Variants in RIMS2 observed in about 807,000 individuals in gnomAD.
RIMS2 encodes the protein regulating synaptic membrane exocytosis 2.
In RIMS2, 59 loss-of-function variants were observed where a neutral mutation model predicts 174.4. The observed-to-expected ratio is 0.34, with a 90% CI of 0.27 to 0.42. The LOEUF (loss-of-function observed/expected upper bound fraction) is 0.42, where lower values mean the gene tolerates loss of function less well. Among genes scored for constraint, RIMS2 ranks in the 10% least tolerant of loss-of-function variants. The pLI is 1.00. For synonymous variants in RIMS2, 606 were observed against 572.5 expected (o/e 1.06, Z -0.84); for missense variants, 1,620 against 1,666.3 (o/e 0.97, Z 0.48).
At chr8:103,662,731 A>T (rs186434286) in intron 1 of RIMS2, among the ~76,000 whole-genome samples, 1 of 152,050 alleles carries the variant, frequency 6.6e-6, no homozygotes, top group Admixed American at 6.6e-5. Flanking sequence ...TAGTCTTATA[A>T]ATATAGTCAT....
At chr8:104,189,607 A>AAT (rs543361079) in intron 19 of RIMS2, among the ~76,000 whole-genome samples, 114 of 147,464 alleles carry the variant, frequency 7.7e-4, no homozygotes, top group African/African-American at 2.6e-3. Flanking sequence ...TATTTATGTA[A>AAT]ATATATATAT....
intron 19 of RIMS2, among the ~76,000 whole-genome samples, chr8:104,229,549 G>A (rs1171655057): frequency 1.3e-5 from 2 of 152,112 alleles, no homozygotes; most frequent in Non-Finnish European, 2.9e-5. Flanking sequence ...ACCTAAACTG[G>A]GAGCCAGAAG....
chr8:103,793,217 T>C (rs1234477617), intron 3 of RIMS2, among the ~76,000 whole-genome samples: 2 of 152,050 alleles, frequency 1.3e-5, no homozygotes, highest in Non-Finnish European at 2.9e-5. Flanking sequence ...GCAGCACATC[T>C]AAAAGCTTAT....
intron 19 of RIMS2, among the ~76,000 whole-genome samples, chr8:104,101,265 T>A (rs1280969432): frequency 2.6e-5 from 4 of 151,616 alleles, no homozygotes; most frequent in African/African-American, 4.8e-5. Flanking sequence ...TAGCTGAGAT[T>A]ACAGGCATGT....
At chr8:104,118,230 A>G (rs184768807) in intron 19 of RIMS2, among the ~76,000 whole-genome samples, 33 of 152,258 alleles carry the variant, frequency 2.2e-4, no homozygotes, top group Admixed American at 2.2e-3. Context: ...TTCTTATTAC[A>G]TAAAGGAAGA....
intron 4 of RIMS2, among the ~76,000 whole-genome samples, chr8:103,896,324 C>T (rs1417338503): frequency 6.6e-6 from 1 of 151,662 alleles, no homozygotes; most frequent in Admixed American, 6.6e-5. Flanking sequence ...GCCATCCTCA[C>T]GCTGATAGAT....
chr8:104,075,093 G>A (rs2097264763), intron 19 of RIMS2, among the ~76,000 whole-genome samples: 1 of 152,120 alleles, frequency 6.6e-6, no homozygotes, highest in Non-Finnish European at 1.5e-5. Context: ...TTGAGCTGCT[G>A]TTAGTATGTA....
At chr8:104,032,288 T>C (rs527261448) in intron 19 of RIMS2, among the ~76,000 whole-genome samples, 46 of 152,204 alleles carry the variant, frequency 3.0e-4, no homozygotes, top group African/African-American at 1.1e-3. Context: ...TAGCATAGTA[T>C]GTGAATTCAA....
At chr8:103,910,366 T>G in intron 5 of RIMS2, 2 of 1,599,118 alleles carry the variant, frequency 1.3e-6, no homozygotes, top group African/African-American at 1.3e-5. Context: ...CAGGCAGTTT[T>G]GTCGGACTCT....
chr8:103,981,118 C>T (rs1299478020), intron 16 of RIMS2, among the ~76,000 whole-genome samples: 3 of 152,178 alleles, frequency 2.0e-5, no homozygotes, highest in Non-Finnish European at 4.4e-5. Flanking sequence ...TACAGTCGGC[C>T]TTGGGCAAGA....
chr8:103,636,212 G>A (rs1000792479), intron 1 of RIMS2, among the ~76,000 whole-genome samples: 1 of 152,140 alleles, frequency 6.6e-6, no homozygotes, highest in Non-Finnish European at 1.5e-5. Context: ...ATCTTGTGAG[G>A]TGCTGTGGAA....
intron 1 of RIMS2, among the ~76,000 whole-genome samples, chr8:103,544,424 G>A (rs892399049): frequency 6.6e-6 from 1 of 152,268 alleles, no homozygotes; most frequent in Non-Finnish European, 1.5e-5. Context: ...TAGCCAGGCA[G>A]GCAGTCAGTG....
intron 16 of RIMS2, among the ~76,000 whole-genome samples, chr8:103,987,243 C>G (rs117601320): frequency 0.033 from 4,995 of 151,990 alleles, 118 homozygotes; most frequent in Non-Finnish European, 0.051. Context: ...CCTCTAGGCT[C>G]AGATACCGGG....
chr8:103,586,916 T>C (rs1429806848), intron 1 of RIMS2, among the ~76,000 whole-genome samples: 5 of 151,994 alleles, frequency 3.3e-5, no homozygotes, highest in Admixed American at 1.3e-4. Context: ...ACAACTGATA[T>C]TGCAGATATT....
chr8:103,519,177 A>G (rs888257917), intron 1 of RIMS2, among the ~76,000 whole-genome samples: 11 of 152,150 alleles, frequency 7.2e-5, no homozygotes, highest in Non-Finnish European at 2.9e-5. Context: ...CAATTCAGTG[A>G]ATTTATATGT....
intron 19 of RIMS2, among the ~76,000 whole-genome samples, chr8:104,073,878 A>G (rs1338443252): frequency 6.6e-6 from 1 of 152,200 alleles, no homozygotes; most frequent in Non-Finnish European, 1.5e-5. Context: ...AATATGAATG[A>G]CAACACAGAG....
chr8:104,088,221 G>T (rs796457234), intron 19 of RIMS2, among the ~76,000 whole-genome samples: 2 of 152,120 alleles, frequency 1.3e-5, no homozygotes, highest in African/African-American at 4.8e-5. Context: ...CAGAGAAAAA[G>T]TACCTGCAAT....
intron 3 of RIMS2, among the ~76,000 whole-genome samples, chr8:103,825,231 G>A (rs1002424567): frequency 6.6e-6 from 1 of 151,832 alleles, no homozygotes; most frequent in Non-Finnish European, 1.5e-5. Context: ...TTTTATAGAA[G>A]GTAATCTTTT....
chr8:103,571,339 A>G (rs1172351245), intron 1 of RIMS2, among the ~76,000 whole-genome samples: 1 of 152,206 alleles, frequency 6.6e-6, no homozygotes, highest in Non-Finnish European at 1.5e-5. Flanking sequence ...CCACATTTGC[A>G]TTGTTCCCTT....
Sources: allele counts gnomAD v4.1 joint callset (sites outside exome capture counted in the v4.1 genomes callset), GRCh38; gene constraint gnomAD v4.1.1; transcripts MANE v1.5; gene names NCBI Gene and HGNC (gene_info 2026-07-23, HGNC 2026-07-21).